Variants in ZNF695 observed in about 807,000 individuals in gnomAD.
ZNF695 encodes zinc finger protein SBZF3.
ZNF695 carries 11 observed loss-of-function variants against 11.2 expected under a neutral mutation model. The observed-to-expected ratio is 0.98, with a 90% CI of 0.62 to 1.62. The LOEUF is 1.62. Among genes scored for constraint, ZNF695 ranks in the 40% most tolerant of loss-of-function variants. The pLI is 0.00. For synonymous variants in ZNF695, 190 were observed against 201.4 expected, an observed-to-expected ratio of 0.94 and a Z score of 0.48; for missense variants, 559 against 590.5, an observed-to-expected ratio of 0.95 and a Z score of 0.55.
At chr1:246,976,570 A>G (rs112913997) in intron 4 of ZNF695, among the ~76,000 whole-genome samples, 27,337 of 150,318 alleles carry the variant, frequency 0.18, 2,762 homozygotes, top group Middle Eastern at 0.27. Context: ...CAAGGCGGGC[A>G]GATCACGAGG....
chr1:246,959,933 C>T (rs916000358), intron 5 of ZNF695, among the ~76,000 whole-genome samples: 5 of 152,182 alleles, frequency 3.3e-5, no homozygotes, highest in Non-Finnish European at 5.9e-5. Context: ...AGTTCCGTAG[C>T]AATGTATGAG....
downstream of ZNF695, among the ~76,000 whole-genome samples, chr1:246,982,925 C>T (rs930400426): frequency 5.9e-5 from 9 of 151,972 alleles, no homozygotes; most frequent in South Asian, 2.1e-4. Flanking sequence ...ATTTTCTGGC[C>T]GGGCACGGTG....
At chr1:247,005,572 C>T (rs1262089344) in intron 1 of ZNF695, among the ~76,000 whole-genome samples, 1 of 151,878 alleles carries the variant, frequency 6.6e-6, no homozygotes, top group Non-Finnish European at 1.5e-5. Flanking sequence ...AGTTAGCTAG[C>T]TGTGGTGGCC....
chr1:246,951,767 C>T (rs955276695), intron 5 of ZNF695, among the ~76,000 whole-genome samples: 3 of 152,172 alleles, frequency 2.0e-5, no homozygotes, highest in Non-Finnish European at 2.9e-5. Context: ...AAGCCAGGTG[C>T]TGGCACAGCT....
rs142505471 is a variant in ZNF695 at position 246,970,869 on chromosome 1, C to A, written c.391-3077G>T. On this transcript the variant is annotated intron_variant, in intron 4 of 5. Coordinates refer to the ZNF695 transcript ENST00000487338. ...GCAACCTCCACCTCCCGAGTTCAAG[C>A]GATTCTCCTGCCTCAGCCTCCCGAG... is the stretch of plus-strand genomic sequence containing the variant. Among the ~76,000 whole-genome samples, 1,102 of 152,320 alleles carry A rather than the reference C, an allele frequency of 7.2e-3. 11 individuals carry two copies. The highest frequency in any genetic ancestry group is 0.025 in the African/African-American group (1,025 of 41,564).
chr1:246,967,502 C>A, intron 5 of ZNF695: 1 of 455,286 alleles, frequency 2.2e-6, no homozygotes, highest in South Asian at 1.6e-5. Flanking sequence ...AGGATGATGT[C>A]AAGGTTTTGG....
chr1:246,966,844 T>C (rs1358490196), intron 5 of ZNF695: 1 of 456,696 alleles, frequency 2.2e-6, no homozygotes, highest in Admixed American at 2.3e-5. Context: ...CACTGCAAGG[T>C]TTTACTCTAA....
intron 5 of ZNF695, among the ~76,000 whole-genome samples, chr1:246,959,428 T>A (rs934879719): frequency 6.8e-6 from 1 of 147,936 alleles, no homozygotes; most frequent in Non-Finnish European, 1.5e-5. Context: ...AATGGGCATT[T>A]TTTTTGTTTT....
rs185226254 is a variant in ZNF695, at chr1:246,978,413, G to T, written c.390+9712C>A. 7.0e-4 allele frequency among the ~76,000 whole-genome samples: 107 copies of T among 152,236 alleles called. 1 individual carries two copies. Among genetic ancestry groups the T allele is most frequent in the South Asian group, 3.9e-3 (19 of 4,824 alleles). On this transcript the variant is annotated intron_variant, in intron 4 of 5. Coordinates refer to the ZNF695 transcript ENST00000487338. The stretch of plus-strand genomic sequence containing the variant: ...AACATAACCTGTTAATCTTTTGTAA[G>T]GTTTTACATTTTGATAAAATGTTCA...
At chr1:246,946,998 G>T (rs1667750337) in intron 5 of ZNF695, among the ~76,000 whole-genome samples, 1 of 151,916 alleles carries the variant, frequency 6.6e-6, no homozygotes, top group African/African-American at 2.4e-5. Flanking sequence ...AAATTAGCCG[G>T]GCGTGGTGGC....
chr1:246,976,599 C>G (rs972053193), intron 4 of ZNF695, among the ~76,000 whole-genome samples: 13 of 151,604 alleles, frequency 8.6e-5, no homozygotes, highest in Non-Finnish European at 1.8e-4. Context: ...TCGAGACCAT[C>G]CTGGCTAACA....
At chr1:246,962,548 CAG>C (rs1313668522) in intron 5 of ZNF695, among the ~76,000 whole-genome samples, 4 of 152,204 alleles carry the variant, frequency 2.6e-5, no homozygotes, top group African/African-American at 4.8e-5. Flanking sequence ...CATTGATCAT[CAG>C]AGTTACTAAA....
In ZNF695 at chr1:246,961,350, C is replaced by G. The variant is rs779944457; in HGVS notation, c.488+6345G>C. On this transcript the variant is annotated intron_variant, in intron 5 of 5. Transcript: ENST00000487338. The stretch of plus-strand genomic sequence containing the variant: ...ATTGCTACCTATTATTTCATGTGCA[C>G]GTAGATACTCGATAAAGTCTTTTAA... Among the ~76,000 whole-genome samples, 4 of 152,124 alleles carry G rather than the reference C, an allele frequency of 2.6e-5. No individual in the cohort carries two copies. In the East Asian group the frequency reaches 7.7e-4, roughly 29 times the overall value.
At chr1:246,962,724 GCT>G (rs1398189187) in intron 5 of ZNF695, among the ~76,000 whole-genome samples, 1 of 148,558 alleles carries the variant, frequency 6.7e-6, no homozygotes, top group African/African-American at 2.5e-5. Flanking sequence ...ACGGAGTCTC[GCT>G]CTGTCACCCA....
At chr1:246,969,317 A>T (rs1485313067) in intron 4 of ZNF695, 1 of 152,272 alleles carries the variant, frequency 6.6e-6, no homozygotes, top group Non-Finnish European at 1.5e-5. Flanking sequence ...AGATCCCTAT[A>T]GCAGGGGCAC....
At chr1:246,983,440 G>C (rs543491084), downstream of ZNF695, among the ~76,000 whole-genome samples, 9 of 152,118 alleles carry the variant, frequency 5.9e-5, no homozygotes, top group South Asian at 4.1e-4. Context: ...AGGATAACCT[G>C]AGCCTGGGAG....
chr1:246,978,802 G>A (rs968325680), intron 4 of ZNF695, among the ~76,000 whole-genome samples: 2 of 152,174 alleles, frequency 1.3e-5, no homozygotes, highest in African/African-American at 4.8e-5. Context: ...CAGCAGTCTG[G>A]TCTGCTTTGT....
In ZNF695 at chr1:246,948,118, G is replaced by C. The variant is rs148747527; in HGVS notation, c.489-2291C>G. Among the ~76,000 whole-genome samples the C allele has an allele frequency of 5.6e-3, 850 of 152,228 alleles. 6 individuals are homozygous for C. The highest frequency in any genetic ancestry group is 0.018 in the African/African-American group (764 of 41,536). On this transcript the variant is annotated intron_variant, in intron 5 of 5. Transcript: ENST00000487338. The stretch of plus-strand genomic sequence containing the variant: ...AGACAGGATCTTACCCTGTCACTCA[G>C]ACTGGAATGCAGTGGCGTGATCTTG...
downstream of ZNF695, among the ~76,000 whole-genome samples, chr1:246,984,665 C>CA (rs1341630759): frequency 6.6e-6 from 1 of 151,978 alleles, no homozygotes. Flanking sequence ...TCAATAAACT[C>CA]AATTACTCAA....
Sources: allele counts gnomAD v4.1 joint callset (sites outside exome capture counted in the v4.1 genomes callset), GRCh38; gene constraint gnomAD v4.1.1; transcripts MANE v1.5; gene names NCBI Gene and HGNC (gene_info 2026-07-23, HGNC 2026-07-21).